The following IL13RA1 variants were observed in gnomAD, a reference collection of about 807,000 sequenced individuals.
The protein encoded by IL13RA1 is interleukin 13 receptor subunit alpha 1.
A neutral mutation model predicts 33.8 loss-of-function variants in IL13RA1; 14 were observed. The observed-to-expected ratio is 0.41, with a 90% CI of 0.27 to 0.65. The LOEUF (loss-of-function observed/expected upper bound fraction) is 0.65, where lower values mean the gene tolerates loss of function less well. IL13RA1 is among the 30% of genes least tolerant of loss of function. The probability of loss-of-function intolerance (pLI) is 0.28; values close to 1 mark genes in which losing one functional copy is unlikely to be tolerated. For synonymous variants in IL13RA1, 116 were observed against 115.7 expected (o/e 1.00, Z -0.02); for missense variants, 313 against 327.0 (o/e 0.96, Z 0.33).
chrX:118,784,138 T>TACACAC (rs749501739), intron 10 of IL13RA1, among the ~76,000 whole-genome samples: 1,100 of 62,759 alleles, frequency 0.018, 87 homozygotes, highest in African/African-American at 0.063. Context: ...TGTATATATA[T>TACACAC]ATATATATAC....
intron 6 of IL13RA1, among the ~76,000 whole-genome samples, chrX:118,765,816 GGTAA>G (rs1300934130): frequency 4.5e-5 from 5 of 112,296 alleles, no homozygotes; most frequent in African/African-American, 1.6e-4. Context: ...GTTGTTGTCA[GGTAA>G]GTGTGTGTAT....
At chrX:118,757,806 T>C (rs1251439181) in intron 4 of IL13RA1, among the ~76,000 whole-genome samples, 2 of 100,079 alleles carry the variant, frequency 2.0e-5, no homozygotes, top group African/African-American at 7.2e-5. Context: ...TTCTCCTTCC[T>C]CAGCCTCCTG....
intron 1 of IL13RA1, among the ~76,000 whole-genome samples, chrX:118,733,479 A>AT (rs905019874): frequency 6.9e-4 from 76 of 110,196 alleles, no homozygotes; most frequent in African/African-American, 2.2e-3. Flanking sequence ...TCTGAATTGA[A>AT]TTTTTTTTTA....
chrX:118,742,042 T>A (rs2017350033), intron 2 of IL13RA1, among the ~76,000 whole-genome samples: 1 of 111,595 alleles, frequency 9.0e-6, no homozygotes, highest in African/African-American at 3.3e-5. Flanking sequence ...GTTTGTTTCC[T>A]TATGTATAAA....
intron 10 of IL13RA1, among the ~76,000 whole-genome samples, chrX:118,779,873 A>G (rs140572371): frequency 0.016 from 1,809 of 111,973 alleles, 17 homozygotes; most frequent in Non-Finnish European, 0.026. Flanking sequence ...AGAGTGAATG[A>G]TGGTAACATT....
intron 5 of IL13RA1, among the ~76,000 whole-genome samples, chrX:118,760,097 A>C (rs762299305): frequency 8.9e-6 from 1 of 112,308 alleles, no homozygotes; most frequent in East Asian, 2.8e-4. Flanking sequence ...TAAACATTTT[A>C]AGTGTACAGT....
At position 118,793,450 on chromosome X, in the gene IL13RA1, T is replaced by A. The variant is rs1040958081; in HGVS notation, c.*1596T>A. The A allele has an allele frequency of 8.9e-6, 1 of 111,950 alleles. No homozygotes were observed. The highest frequency in any genetic ancestry group is 1.9e-5 in the Non-Finnish European group (1 of 53,204). 9.2% of individuals were successfully genotyped at this position (111,950 alleles called of 1,213,427 possible). On this transcript the variant is annotated 3_prime_UTR_variant, in exon 11 of 11. Coordinates refer to ENST00000371666, the MANE Select transcript of IL13RA1 (RefSeq NM_001560.3). ...ATTAAATAGCTTTTGTGTCTTACAT[T>A]GGTAGCCAGCCAGCCAAGGCTCTGT...
intron 1 of IL13RA1, among the ~76,000 whole-genome samples, chrX:118,729,623 C>T (rs1003733600): frequency 1.8e-5 from 2 of 112,337 alleles, no homozygotes; most frequent in Non-Finnish European, 3.8e-5. Context: ...ACTCAATGGC[C>T]CACATTGTGG....
At chrX:118,778,339 A>G (rs951800113) in intron 10 of IL13RA1, among the ~76,000 whole-genome samples, 2 of 111,541 alleles carry the variant, frequency 1.8e-5, no homozygotes, top group Admixed American at 1.9e-4. Flanking sequence ...GGTCATCTTC[A>G]CAGACAGTAG....
chrX:118,784,149 G>GTATATATGTA (rs1569459460), intron 10 of IL13RA1, among the ~76,000 whole-genome samples: 1 of 41,344 alleles, frequency 2.4e-5, no homozygotes, highest in African/African-American at 9.9e-5. Flanking sequence ...ATATATATAC[G>GTATATATGTA]TATATACACA....
rs1258984694 is a variant in IL13RA1, at chrX:118,785,657, G to A, written c.1192-6105G>A. On this transcript the variant is annotated intron_variant, in intron 10 of 10. Transcript: ENST00000371666. Reference sequence around the variant, plus strand: ...GCGATCTTGGCTCACTGCAAACTCCGCCTCCCAGGTTCAAGTGATTCTCCT... The same window carrying A: ...GCGATCTTGGCTCACTGCAAACTCCACCTCCCAGGTTCAAGTGATTCTCCT... Among the ~76,000 whole-genome samples the A allele has an allele frequency of 2.7e-5, 3 of 110,527 alleles. No individual in the cohort carries two copies. In the Admixed American group the frequency reaches 2.9e-4, roughly 11 times the overall value.
intron 6 of IL13RA1, among the ~76,000 whole-genome samples, chrX:118,763,891 A>C (rs2017617427): frequency 9.0e-6 from 1 of 111,449 alleles, no homozygotes; most frequent in Non-Finnish European, 1.9e-5. Context: ...TACCTAAATC[A>C]GAACTATTTT....
chrX:118,737,396 G>A (rs2017293950), intron 1 of IL13RA1, among the ~76,000 whole-genome samples: 1 of 112,519 alleles, frequency 8.9e-6, no homozygotes, highest in African/African-American at 3.2e-5. Context: ...TTCCAAAATT[G>A]TTACATCAAA....
chrX:118,747,454 C>T (rs2017420054), intron 3 of IL13RA1, among the ~76,000 whole-genome samples: 1 of 110,908 alleles, frequency 9.0e-6, no homozygotes, highest in South Asian at 3.8e-4. Context: ...TATTATTACC[C>T]TGATCCATTT....
At chrX:118,728,191 C>G (rs1023242686) in intron 1 of IL13RA1, among the ~76,000 whole-genome samples, 10 of 112,401 alleles carry the variant, frequency 8.9e-5, no homozygotes, top group Non-Finnish European at 1.5e-4. Context: ...GAGAACGCGC[C>G]GGGGCTCTTT....
chrX:118,791,975 C>T lies in IL13RA1; in HGVS notation c.*121C>T. ...TACTGCACCATTTAAAAACAGGCAGCTCATAAGAGCCACAGGTCTTTATGT... is the reference window on the plus strand; with the variant it reads ...TACTGCACCATTTAAAAACAGGCAGTTCATAAGAGCCACAGGTCTTTATGT... On this transcript the variant is annotated 3_prime_UTR_variant, in exon 11 of 11. Transcript: ENST00000371666. The T allele has an allele frequency of 1.0e-5, 4 of 383,612 alleles. No homozygotes were observed. In the Admixed American group the frequency reaches 2.1e-4, roughly 20 times the overall value. 31.6% of individuals were successfully genotyped at this position (383,612 alleles called of 1,213,427 possible).
downstream of IL13RA1, among the ~76,000 whole-genome samples, chrX:118,795,924 CTT>C (rs1321946288): frequency 8.9e-6 from 1 of 112,224 alleles, no homozygotes; most frequent in Non-Finnish European, 1.9e-5. Context: ...CAAACAAAGT[CTT>C]TTTTGTAAAT....
At chrX:118,795,227 A>AAAAAAAAAAAAAAAG (rs200347606), downstream of IL13RA1, among the ~76,000 whole-genome samples, 40 of 94,976 alleles carry the variant, frequency 4.2e-4, 2 homozygotes, top group Middle Eastern at 5.6e-3. Context: ...AAAAAAAAAA[A>AAAAAAAAAAAAAAAG]AAAGAAAAAG....
intron 10 of IL13RA1, among the ~76,000 whole-genome samples, chrX:118,786,997 C>T (rs910608179): frequency 8.9e-6 from 1 of 112,297 alleles, no homozygotes; most frequent in Non-Finnish European, 1.9e-5. Context: ...TCTTCCACAG[C>T]TTATACCATT....
Sources: gnomAD v4.1 joint callset for allele counts (sites outside exome capture counted in the v4.1 genomes callset) on GRCh38, gnomAD v4.1.1 for gene constraint, MANE v1.5 for transcripts, NCBI Gene and HGNC (gene_info 2026-07-23, HGNC 2026-07-21) for gene names.